MLH3: variants seen among roughly 807,000 people sequenced by gnomAD.
MLH3 encodes mutL homolog 3, also known as DNA mismatch repair protein Mlh3.
MLH3 carries 82 observed loss-of-function variants against 122.2 expected under a neutral mutation model. The ratio of observed to expected loss-of-function variants is 0.67; its 90% CI spans 0.56 to 0.81. MLH3 has a LOEUF of 0.81. Among genes scored for constraint, MLH3 ranks in the 30% least tolerant of loss-of-function variants. The probability of loss-of-function intolerance (pLI) is 0.00; values close to 1 mark genes in which losing one functional copy is unlikely to be tolerated. For synonymous variants in MLH3, 524 were observed against 599.5 expected, an observed-to-expected ratio of 0.87 and a Z score of 1.84; for missense variants, 1,539 against 1,714.5, an observed-to-expected ratio of 0.90 and a Z score of 1.81.
chr14:75,037,629 A>T (rs1891509593), intron 6 of MLH3, among the ~76,000 whole-genome samples: 1 of 152,192 alleles, frequency 6.6e-6, no homozygotes, highest in African/African-American at 2.4e-5. Context: ...AAATATTATT[A>T]AAAAGTCAAA....
Position 75,048,544 on chromosome 14 carries a change from A to G in MLH3, c.1112T>C (p.Phe371Ser). 6.2e-7 allele frequency: 1 copy of G among 1,613,170 alleles called. No homozygotes were observed. Among genetic ancestry groups the G allele is most frequent in the Non-Finnish European group, 8.5e-7 (1 of 1,179,660 alleles). Reference protein sequence around the residue: ...DIKEFSEDNGFSLFDATLQKR... With the variant: ...DIKEFSEDNGSSLFDATLQKR... Reference sequence around the variant, plus strand: ...CTGAAGAGTAGCATCAAATAAACTAAAACCATTATCTTCACTAAATTCCTT... The same window carrying G: ...CTGAAGAGTAGCATCAAATAAACTAGAACCATTATCTTCACTAAATTCCTT... Residue 371 changes from phenylalanine (F) to serine (S), a missense_variant, in exon 2 of 13, where the codon TTT becomes TCT. Transcript: ENST00000355774.
chr14:75,027,688 A>AAAAAAAAAC (rs1566580542), intron 9 of MLH3, among the ~76,000 whole-genome samples: 12 of 134,544 alleles, frequency 8.9e-5, no homozygotes, highest in Admixed American at 1.5e-4. Flanking sequence ...AAAAAAAAAA[A>AAAAAAAAAC]AAAAAACCCA....
chr14:75,022,797 T>C lies in MLH3; in HGVS notation c.4090+17A>G. 6.2e-7 allele frequency: 1 copy of C among 1,612,336 alleles called. No homozygotes were observed. The highest frequency in any genetic ancestry group is 8.5e-7 in the Non-Finnish European group (1 of 1,178,376). On this transcript the variant is annotated intron_variant, in intron 11 of 12. Coordinates refer to ENST00000355774, the MANE Select transcript of MLH3 (RefSeq NM_001040108.2). ...GCATGCAGAGGTGTTTGATCACTGC[T>C]ATGTTGAAGGGCTTACCATGGCAGG...
chr14:75,039,845 C>CTATATATATATATATATA (rs1566594267), intron 5 of MLH3, 66 bp downstream of exon 5: 1 of 316,432 alleles, frequency 3.2e-6, no homozygotes, highest in Non-Finnish European at 4.7e-6. Context: ...AAGAGTTAGG[C>CTATATATATATATATATA]CATATATATA....
intron 8 of MLH3, 113 bp from the exon 9 acceptor site, chr14:75,030,815 C>T: frequency 1.2e-6 from 1 of 861,076 alleles, no homozygotes; most frequent in Non-Finnish European, 1.9e-6. Flanking sequence ...CAGGGCTTAA[C>T]AACCGTATTG....
intron 11 of MLH3, among the ~76,000 whole-genome samples, chr14:75,019,663 C>T (rs1462889029): frequency 6.6e-6 from 1 of 152,108 alleles, no homozygotes; most frequent in Non-Finnish European, 1.5e-5. Context: ...CTCCATGGAT[C>T]GTCCAATAGC....
At chr14:75,031,917 C>T (rs1296248150) in intron 8 of MLH3, 151 bp downstream of exon 8, 1 of 681,858 alleles carries the variant, frequency 1.5e-6, no homozygotes, top group Admixed American at 2.1e-5. Context: ...TGAGTGCCTG[C>T]TCCACTACTT....
At chr14:75,040,182 GC>G (rs1891738178) in intron 4 of MLH3, among the ~76,000 whole-genome samples, 167 bp from the exon 5 acceptor site, 6 of 150,814 alleles carry the variant, frequency 4.0e-5, no homozygotes, top group Admixed American at 4.0e-4. Context: ...GGGCGTGGTG[GC>G]TCACACCTGT....
At chr14:75,020,946 G>C (rs1472315840) in intron 11 of MLH3, 5 of 151,978 alleles carry the variant, frequency 3.3e-5, no homozygotes, top group African/African-American at 4.8e-5. Context: ...GCGTGATATT[G>C]GCTCACTGCA....
At chr14:75,040,779 A>G (rs930581001) in intron 4 of MLH3, among the ~76,000 whole-genome samples, 2 of 152,122 alleles carry the variant, frequency 1.3e-5, no homozygotes, top group African/African-American at 4.8e-5. Context: ...AATGATAACA[A>G]TTTCATTATC....
Position 75,048,331 on chromosome 14 carries a change from A to C in MLH3, c.1325T>G (p.Ile442Ser), listed in dbSNP as rs2139585598. Residue 442 changes from isoleucine (I) to serine (S), a missense_variant, in exon 2 of 13, where the codon ATT becomes AGT. Ile to Ser is a moderately radical substitution (Grantham distance 142). Transcript: ENST00000355774. ...ATGGCCTGGACCACCTGATTCATAA[A>C]TGTACAAAAATGCATCATTTGTATT... ...RKNTNDAFLYIYESGGPGHSK... is the reference protein window; with the variant it reads ...RKNTNDAFLYSYESGGPGHSK... 1 of 1,614,042 alleles carries C rather than the reference A, an allele frequency of 6.2e-7. No homozygotes were observed.
In MLH3 at chr14:75,014,538, CG is replaced by C. The variant is rs757320478; in HGVS notation, c.*2543del. 1.2e-3 allele frequency: 238 copies of C among 199,634 alleles called. No homozygotes were observed. Among genetic ancestry groups the C allele is most frequent in the Non-Finnish European group, 2.1e-3 (198 of 96,578 alleles). 12.4% of individuals were successfully genotyped at this position (199,634 alleles called of 1,614,324 possible). On this transcript the variant is annotated 3_prime_UTR_variant, in exon 13 of 13. Coordinates refer to ENST00000355774, the MANE Select transcript of MLH3 (RefSeq NM_001040108.2). ...CTAGCTGTGACTCTGTGATACCTAACGCCAGAAGAAGCTACTATATTCTATC... is the reference window on the plus strand; with the variant it reads ...CTAGCTGTGACTCTGTGATACCTAACCCAGAAGAAGCTACTATATTCTATC...
chr14:75,028,476 G>A (rs1890807867), intron 9 of MLH3, among the ~76,000 whole-genome samples: 1 of 146,382 alleles, frequency 6.8e-6, no homozygotes, highest in African/African-American at 2.6e-5. Context: ...GGAGTGCAGT[G>A]CAGTGATCTT....
At chr14:75,043,846 T>C (rs1173628848) in intron 2 of MLH3, among the ~76,000 whole-genome samples, 1 of 152,154 alleles carries the variant, frequency 6.6e-6, no homozygotes, top group Non-Finnish European at 1.5e-5. Context: ...TCCCAGCACT[T>C]TGGGAGGCCG....
intron 6 of MLH3, among the ~76,000 whole-genome samples, chr14:75,035,897 G>A (rs1048595119): frequency 6.6e-6 from 1 of 151,392 alleles, no homozygotes; most frequent in Non-Finnish European, 1.5e-5. Flanking sequence ...TCCCTCTTCC[G>A]TGTCATGGGC....
chr14:75,047,682 TA>T lies in MLH3; in HGVS notation c.1973del (p.Leu658Ter). On this transcript the variant is annotated frameshift_variant, in exon 2 of 13. Transcript: ENST00000355774. LOFTEE classifies it high-confidence loss of function. ...HSVETPDIKD[L>X]ASTLSKESGQ... ...CAGATTCTTTACTTAAAGTGCTGGC[TA>T]AATCTTTGATGTCTGGAGTTTCAAC... 6.2e-7 allele frequency: 1 copy of T among 1,614,126 alleles called. No homozygotes were observed. Among genetic ancestry groups the T allele is most frequent in the Non-Finnish European group, 8.5e-7 (1 of 1,179,998 alleles).
intron 12 of MLH3, among the ~76,000 whole-genome samples, chr14:75,018,272 C>A (rs1890032850): frequency 6.6e-6 from 1 of 152,148 alleles, no homozygotes; most frequent in African/African-American, 2.4e-5. Flanking sequence ...CATTCTGTGC[C>A]TTTTCTGCAT....
rs1183691617 is a variant in MLH3 at position 75,048,641 on chromosome 14, A to G, written c.1015T>C (p.Cys339Arg). 1.9e-6 allele frequency: 3 copies of G among 1,614,092 alleles called. No individual in the cohort carries two copies. In the East Asian group the frequency reaches 6.7e-5, roughly 36 times the overall value. Residue 339 changes from cysteine to arginine, a missense_variant, in exon 2 of 13, where the codon TGC becomes CGC. Physicochemically the swap from Cys to Arg is radical, Grantham distance 180. Coordinates refer to ENST00000355774, the MANE Select transcript of MLH3 (RefSeq NM_001040108.2). ...AACATTTTCACTCCTTCCTGAATGC[A>G]AAACAAGAGAGTGTCCCAGTTCTGA... ...EFQNWDTLLF[C>R]IQEGVKMFLK... is the part of the protein sequence containing the mutation.
chr14:75,027,901 A>G (rs1313020207), intron 9 of MLH3, among the ~76,000 whole-genome samples: 1 of 151,980 alleles, frequency 6.6e-6, no homozygotes, highest in Admixed American at 6.5e-5. Context: ...ATTTTGGTAC[A>G]GTTAGGAAGA....
Sources: allele counts gnomAD v4.1 joint callset (sites outside exome capture counted in the v4.1 genomes callset), GRCh38; gene constraint gnomAD v4.1.1; transcripts MANE v1.5; gene names NCBI Gene and HGNC (gene_info 2026-07-23, HGNC 2026-07-21).